The following IARS1 variants were observed in gnomAD, a reference collection of about 807,000 sequenced individuals.
IARS1 encodes the protein isoleucine--tRNA ligase, cytoplasmic.
In IARS1, 124 loss-of-function variants were observed where a neutral mutation model predicts 168.2. The observed-to-expected ratio is 0.74, with a 90% CI of 0.64 to 0.86. The LOEUF (loss-of-function observed/expected upper bound fraction) is 0.86. Among genes scored for constraint, IARS1 ranks in the 40% least tolerant of loss-of-function variants. IARS1 has a pLI of 0.00. For missense variants in IARS1, 1,452 were observed against 1,515.8 expected (o/e 0.96, Z 0.70); for synonymous variants, 532 against 529.4 (o/e 1.00, Z -0.07).
chr9:92,261,724 G>A (rs1831554292), intron 17 of IARS1, among the ~76,000 whole-genome samples: 1 of 151,932 alleles, frequency 6.6e-6, no homozygotes. Flanking sequence ...ACAATTGCAT[G>A]CAAATCTACA....
chr9:92,228,887 C>A, intron 31 of IARS1, 114 bp downstream of exon 31: 1 of 1,235,862 alleles, frequency 8.1e-7, no homozygotes, highest in Non-Finnish European at 1.1e-6. Context: ...TGGGCCCTGA[C>A]TCAAGAGAGT....
chr9:92,216,096 GAA>G (rs1447325700), intron 33 of IARS1, among the ~76,000 whole-genome samples: 1 of 151,604 alleles, frequency 6.6e-6, no homozygotes, highest in Non-Finnish European at 1.5e-5. Context: ...CTACAAGCCA[GAA>G]GAGAGTGGGG....
intron 32 of IARS1, 123 bp downstream of exon 32, chr9:92,223,223 C>T (rs757227229): frequency 1.0e-4 from 82 of 787,526 alleles, no homozygotes; most frequent in Non-Finnish European, 1.4e-4. Flanking sequence ...CCCAAAGTTG[C>T]GTGAGAGCCC....
At chr9:92,248,566 T>C (rs916981821) in intron 25 of IARS1, among the ~76,000 whole-genome samples, 3 of 149,628 alleles carry the variant, frequency 2.0e-5, no homozygotes, top group African/African-American at 7.4e-5. Context: ...GGTGGGAGGA[T>C]TGCCCGAGCC....
At chr9:92,293,024 C>T (rs1165454254) in intron 1 of IARS1, among the ~76,000 whole-genome samples, 1 of 152,226 alleles carries the variant, frequency 6.6e-6, no homozygotes, top group Non-Finnish European at 1.5e-5. Flanking sequence ...AAGCCTATTT[C>T]TGTTCCCCCT....
At chr9:92,248,333 T>C (rs1383904524) in intron 25 of IARS1, among the ~76,000 whole-genome samples, 2 of 152,224 alleles carry the variant, frequency 1.3e-5, no homozygotes, top group African/African-American at 4.8e-5. Flanking sequence ...TTTGCCATTA[T>C]ATTTAGCTAC....
At chr9:92,284,772 C>A (rs930142098) in intron 6 of IARS1, among the ~76,000 whole-genome samples, 1 of 152,058 alleles carries the variant, frequency 6.6e-6, no homozygotes, top group Non-Finnish European at 1.5e-5. Flanking sequence ...CTGACTCAAA[C>A]AAACAAACAA....
At position 92,210,797 on chromosome 9, in the gene IARS1, T is replaced by A; in HGVS notation, c.*10A>T. The A allele has an allele frequency of 1.3e-6, 2 of 1,571,248 alleles. No individual in the cohort carries two copies. The highest frequency in any genetic ancestry group is 1.8e-6 in the Non-Finnish European group (2 of 1,141,094). Reference sequence around the variant, plus strand: ...GGAAGGGCTGACCGAACAACATTGATAAGTACATGCTAGAAGTCTGCTGTT... The same window carrying A: ...GGAAGGGCTGACCGAACAACATTGAAAAGTACATGCTAGAAGTCTGCTGTT... On this transcript the variant is annotated 3_prime_UTR_variant, in exon 34 of 34. Transcript: ENST00000443024.
chr9:92,272,458 T>C (rs1401965947), intron 10 of IARS1, among the ~76,000 whole-genome samples: 1 of 152,124 alleles, frequency 6.6e-6, no homozygotes, highest in Non-Finnish European at 1.5e-5. Context: ...CCAGAACCAG[T>C]GATGTTCAAC....
Position 92,268,249 on chromosome 9 carries a change from T to C in IARS1, c.1356A>G (p.Ala452=), listed in dbSNP as rs144681367. Residue 452 remains alanine (A), a synonymous_variant, in exon 14 of 34, where the codon GCA becomes GCG. Coordinates refer to ENST00000443024, the MANE Select transcript of IARS1 (RefSeq NM_002161.6). ...EKRFGNWLKD[A]RDWTISRNRY... Reference sequence around the variant, plus strand: ...TGTTTCTGGAAATTGTCCAGTCACGTGCATCTTTCAGCCAATTTCCAAATC... The same window carrying C: ...TGTTTCTGGAAATTGTCCAGTCACGCGCATCTTTCAGCCAATTTCCAAATC... 6.8e-5 allele frequency: 110 copies of C among 1,612,194 alleles called. No individual in the cohort carries two copies. The Middle Eastern group carries it at 1.8e-3, about 27-fold the overall frequency.
intron 33 of IARS1, among the ~76,000 whole-genome samples, chr9:92,221,298 G>A (rs1564155490): frequency 1.3e-5 from 2 of 151,926 alleles, no homozygotes. Flanking sequence ...TGAATAAGAG[G>A]TAAGTTGGAC....
chr9:92,238,504 C>A (rs1169746886), intron 30 of IARS1, among the ~76,000 whole-genome samples: 1 of 152,168 alleles, frequency 6.6e-6, no homozygotes, highest in Non-Finnish European at 1.5e-5. Context: ...TTCTGTAAAG[C>A]AGAGTAAAAG....
At position 92,278,248 on chromosome 9, in the gene IARS1, T is replaced by C. The variant is rs762545061; in HGVS notation, c.784A>G (p.Arg262Gly). The C allele has an allele frequency of 1.2e-6, 2 of 1,612,802 alleles. No individual in the cohort carries two copies. The highest frequency in any genetic ancestry group is 4.5e-5 in the East Asian group (2 of 44,872). ...RGRLLILMEA[R>G]LSALYKLESD... ...TCCAATTTATAGAGGGCTGACAATCTGGCTTCCATTAAAATGAGTAATCGT... is the reference window on the plus strand; with the variant it reads ...TCCAATTTATAGAGGGCTGACAATCCGGCTTCCATTAAAATGAGTAATCGT... The change falls in exon 8 of 34, where the codon AGA becomes GGA. Residue 262 changes from arginine (R) to glycine (G), a missense_variant. By Grantham distance (125) the Arg-to-Gly change is moderately radical (BLOSUM62 -2). Coordinates refer to ENST00000443024, the MANE Select transcript of IARS1 (RefSeq NM_002161.6).
At chr9:92,282,625 C>A (rs890613745) in intron 6 of IARS1, among the ~76,000 whole-genome samples, 2 of 151,954 alleles carry the variant, frequency 1.3e-5, no homozygotes, top group South Asian at 4.1e-4. Context: ...AAAAAATTTT[C>A]TGGGCATGGT....
intron 14 of IARS1, among the ~76,000 whole-genome samples, chr9:92,266,085 CCT>C (rs1363675840): frequency 6.6e-6 from 1 of 152,204 alleles, no homozygotes; most frequent in African/African-American, 2.4e-5. Flanking sequence ...TGCCACTGCT[CCT>C]CTGTTTCCAC....
At chr9:92,226,618 T>C (rs1033126676) in intron 31 of IARS1, among the ~76,000 whole-genome samples, 1 of 152,262 alleles carries the variant, frequency 6.6e-6, no homozygotes, top group Middle Eastern at 3.4e-3. Flanking sequence ...AAGTCCAAAA[T>C]TAAAGTGTTG....
rs376141943 is a variant in IARS1 at position 92,251,803 on chromosome 9, C to A, written c.2307+5G>T. On this transcript the variant is annotated splice_donor_5th_base_variant and intron_variant, in intron 22 of 33. Transcript: ENST00000443024. The stretch of plus-strand genomic sequence containing the variant: ...AGGGTACTAGAAAGAAGCCAATCAT[C>A]TTACCATAAGTCTGCAAAGAGAAAG... The A allele has an allele frequency of 6.2e-7, 1 of 1,611,992 alleles. No homozygotes were observed. Among genetic ancestry groups the A allele is most frequent in the Non-Finnish European group, 8.5e-7 (1 of 1,178,194 alleles).
intron 33 of IARS1, among the ~76,000 whole-genome samples, chr9:92,217,780 C>T (rs1838976858): frequency 6.6e-6 from 1 of 152,048 alleles, no homozygotes; most frequent in South Asian, 2.1e-4. Flanking sequence ...TGGCAATAAT[C>T]AATAGCTTAC....
At chr9:92,216,067 A>G (rs1246530940) in intron 33 of IARS1, among the ~76,000 whole-genome samples, 3 of 151,780 alleles carry the variant, frequency 2.0e-5, no homozygotes, top group South Asian at 2.1e-4. Context: ...GACTAACAGC[A>G]GATCTCTCGG....
Sources: allele counts gnomAD v4.1 joint callset (sites outside exome capture counted in the v4.1 genomes callset), GRCh38; gene constraint gnomAD v4.1.1; transcripts MANE v1.5; gene names NCBI Gene and HGNC (gene_info 2026-07-23, HGNC 2026-07-21).